ADAMTS12: variants seen among roughly 807,000 people sequenced by gnomAD.
ADAMTS12 encodes the protein A disintegrin and metalloproteinase with thrombospondin motifs 12.
Under a neutral mutation model 167.8 loss-of-function variants are expected in ADAMTS12, and 118 were observed. The observed-to-expected ratio is 0.70, with a 90% CI of 0.61 to 0.82. The LOEUF is 0.82. Among genes scored for constraint, ADAMTS12 ranks in the 40% least tolerant of loss-of-function variants. The probability of loss-of-function intolerance (pLI) is 0.00; values close to 1 mark genes in which losing one functional copy is unlikely to be tolerated. For synonymous variants in ADAMTS12, 704 were observed against 716.9 expected, an observed-to-expected ratio of 0.98 and a Z score of 0.29; for missense variants, 1,916 against 1,998.8, an observed-to-expected ratio of 0.96 and a Z score of 0.79.
chr5:33,861,328 G>C (rs1749607648), intron 2 of ADAMTS12, among the ~76,000 whole-genome samples: 2 of 152,158 alleles, frequency 1.3e-5, no homozygotes. Context: ...TAAAGGGATG[G>C]AGGAATATTT....
chr5:33,605,452 C>G (rs1032392310), intron 16 of ADAMTS12, among the ~76,000 whole-genome samples: 3 of 151,240 alleles, frequency 2.0e-5, no homozygotes, highest in Non-Finnish European at 4.4e-5. Flanking sequence ...ATGGAAGAAA[C>G]AAGAATAGAT....
At chr5:33,615,093 C>A (rs1367806549) in intron 15 of ADAMTS12, among the ~76,000 whole-genome samples, 1 of 152,132 alleles carries the variant, frequency 6.6e-6, no homozygotes. Context: ...AATTGATTCA[C>A]CTTAAACATA....
At chr5:33,798,017 A>T (rs910639353) in intron 2 of ADAMTS12, among the ~76,000 whole-genome samples, 1 of 152,172 alleles carries the variant, frequency 6.6e-6, no homozygotes, top group African/African-American at 2.4e-5. Context: ...ACATCTGACA[A>T]TCTCTTTCCT....
At chr5:33,770,103 C>T (rs1339896323) in intron 2 of ADAMTS12, among the ~76,000 whole-genome samples, 1 of 152,096 alleles carries the variant, frequency 6.6e-6, no homozygotes, top group Non-Finnish European at 1.5e-5. Flanking sequence ...TCTCACCATC[C>T]ATGGACAGCA....
At chr5:33,604,528 A>G (rs1037180615) in intron 16 of ADAMTS12, among the ~76,000 whole-genome samples, 2 of 151,130 alleles carry the variant, frequency 1.3e-5, no homozygotes, top group Non-Finnish European at 2.9e-5. Context: ...AAAAGAAAAG[A>G]AAAGAAAGAA....
At chr5:33,540,710 A>C (rs1243360705) in intron 22 of ADAMTS12, among the ~76,000 whole-genome samples, 1 of 152,250 alleles carries the variant, frequency 6.6e-6, no homozygotes. Flanking sequence ...GTGGACCTCC[A>C]GCAAACTCCA....
At chr5:33,606,514 A>G (rs1483641990) in intron 16 of ADAMTS12, among the ~76,000 whole-genome samples, 1 of 152,224 alleles carries the variant, frequency 6.6e-6, no homozygotes, top group Admixed American at 6.5e-5. Context: ...CTTCATGCAC[A>G]GACCACTGCG....
Position 33,770,838 on chromosome 5 carries a change from C to CCCTCCTCCTCCTCTTCCT in ADAMTS12, c.490-19308_490-19291dup, listed in dbSNP as rs1481644097. Among the ~76,000 whole-genome samples the CCCTCCTCCTCCTCTTCCT allele has an allele frequency of 4.0e-5, 6 of 150,902 alleles. No homozygotes were observed. In the South Asian group the frequency reaches 1.3e-3, roughly 32 times the overall value. Reference sequence around the variant, plus strand: ...CTCCTTCCTCTTCTTCTTCCTCTTCCCCTCCTCCTCCTCTTCCTCCTCCTC... The same window carrying CCCTCCTCCTCCTCTTCCT: ...CTCCTTCCTCTTCTTCTTCCTCTTCCCCTCCTCCTCCTCTTCCTCCTCCTCCTCCTCTTCCTCCTCCTC... On this transcript the variant is annotated intron_variant, in intron 2 of 23. Coordinates refer to ENST00000504830, the MANE Select transcript of ADAMTS12 (RefSeq NM_030955.4).
chr5:33,737,939 A>T (rs565791896), intron 3 of ADAMTS12, among the ~76,000 whole-genome samples: 2 of 152,282 alleles, frequency 1.3e-5, no homozygotes, highest in South Asian at 2.1e-4. Flanking sequence ...TAGAAACAAG[A>T]AGTAACAGTA....
At chr5:33,798,020 T>G (rs2112467854) in intron 2 of ADAMTS12, among the ~76,000 whole-genome samples, 1 of 152,104 alleles carries the variant, frequency 6.6e-6, no homozygotes, top group African/African-American at 2.4e-5. Flanking sequence ...TCTGACAATC[T>G]CTTTCCTCAG....
At chr5:33,800,460 T>C (rs948102632) in intron 2 of ADAMTS12, among the ~76,000 whole-genome samples, 3 of 152,154 alleles carry the variant, frequency 2.0e-5, no homozygotes, top group African/African-American at 7.2e-5. Flanking sequence ...TTGGACATGA[T>C]CCACAAGATT....
At chr5:33,889,997 A>G (rs1750785638) in intron 1 of ADAMTS12, among the ~76,000 whole-genome samples, 2 of 152,208 alleles carry the variant, frequency 1.3e-5, no homozygotes, top group South Asian at 4.1e-4. Flanking sequence ...ATAAATATAT[A>G]TATCACCAAT....
rs780130411 is a variant in ADAMTS12 at position 33,576,971 on chromosome 5, G to T, written c.3055C>A (p.Leu1019Ile). 6.2e-7 allele frequency: 1 copy of T among 1,614,220 alleles called. No individual in the cohort carries two copies. Among genetic ancestry groups the T allele is most frequent in the Non-Finnish European group, 8.5e-7 (1 of 1,180,034 alleles). ...TISNGKNPPT[L>I]KPVPPPTSRP... ...GATGTAGGTGGAGGGACGGGCTTTA[G>T]TGTTGGTGGGTTTTTTCCATTGGAA... is the stretch of plus-strand genomic sequence containing the variant. Residue 1019 changes from leucine to isoleucine, a missense_variant, in exon 19 of 24, where the codon CTA becomes ATA. By Grantham distance (5) the Leu-to-Ile change is conservative (BLOSUM62 2). Transcript: ENST00000504830.
intron 2 of ADAMTS12, among the ~76,000 whole-genome samples, chr5:33,807,827 A>G (rs368614296): frequency 2.0e-4 from 31 of 152,358 alleles, no homozygotes; most frequent in African/African-American, 7.2e-4. Flanking sequence ...CAAAGTTAAT[A>G]GGCAAAAAGA....
At chr5:33,769,820 T>G (rs556326981) in intron 2 of ADAMTS12, among the ~76,000 whole-genome samples, 1 of 152,306 alleles carries the variant, frequency 6.6e-6, no homozygotes, top group South Asian at 2.1e-4. Flanking sequence ...ACCAAATTTT[T>G]GGGGTCTCAG....
chr5:33,869,159 C>T (rs1024081942), intron 2 of ADAMTS12, among the ~76,000 whole-genome samples: 7 of 152,152 alleles, frequency 4.6e-5, no homozygotes, highest in Admixed American at 1.3e-4. Context: ...CACTACTGCC[C>T]TGTGCAACCT....
chr5:33,650,302 C>T (rs1740826618), intron 7 of ADAMTS12, among the ~76,000 whole-genome samples: 1 of 152,124 alleles, frequency 6.6e-6, no homozygotes, highest in African/African-American at 2.4e-5. Context: ...TTAAAACTTG[C>T]CTCATTTTCT....
rs376164587 is a variant in ADAMTS12 at position 33,596,368 on chromosome 5, G to A, written c.2528-308C>T. Among the ~76,000 whole-genome samples the A allele has an allele frequency of 6.8e-4, 104 of 152,232 alleles. 2 individuals are homozygous for A. The South Asian group carries it at 0.02, about 30-fold the overall frequency. On this transcript the variant is annotated intron_variant, in intron 16 of 23. Transcript: ENST00000504830. ...GAGACTAACACACACATGCCAGGTG[G>A]AAAACCAAATGAGATTTAAATAATG...
chr5:33,534,317 C>T (rs1381822662), intron 23 of ADAMTS12, among the ~76,000 whole-genome samples: 2 of 41,406 alleles, frequency 4.8e-5, no homozygotes, highest in Non-Finnish European at 7.9e-5. Context: ...TGTGTCTCCT[C>T]GTTTTCCATC....
Sources: allele counts gnomAD v4.1 joint callset (sites outside exome capture counted in the v4.1 genomes callset), GRCh38; gene constraint gnomAD v4.1.1; transcripts MANE v1.5; gene names NCBI Gene and HGNC (gene_info 2026-07-23, HGNC 2026-07-21).